SGCD: variants seen among roughly 807,000 people sequenced by gnomAD.
SGCD encodes the protein delta-sarcoglycan.
A neutral mutation model predicts 36.6 loss-of-function variants in SGCD; 18 were observed. The ratio of observed to expected loss-of-function variants is 0.49; its 90% CI spans 0.34 to 0.73. The LOEUF is 0.73. Ranked by LOEUF, SGCD falls within the 30% of genes least tolerant of loss-of-function variation. SGCD has a pLI of 0.01. For synonymous variants in SGCD, 133 were observed against 130.6 expected, an observed-to-expected ratio of 1.02 and a Z score of -0.12; for missense variants, 387 against 346.7, an observed-to-expected ratio of 1.12 and a Z score of -0.92.
chr5:155,749,935 G>A, the SGCD span, among the ~76,000 whole-genome samples: 1 of 152,168 alleles, frequency 6.6e-6, no homozygotes, highest in Non-Finnish European at 1.5e-5. Context: ...TTTAAATCAA[G>A]TTTTAAAGCA....
chr5:155,824,128 C>A, the SGCD span, among the ~76,000 whole-genome samples: 1 of 152,156 alleles, frequency 6.6e-6, no homozygotes, highest in African/African-American at 2.4e-5. Flanking sequence ...AGATAGGCAT[C>A]CCATCTTGAA....
At chr5:156,258,843 G>C (rs1483473974) in intron 3 of SGCD, among the ~76,000 whole-genome samples, 26 of 151,914 alleles carry the variant, frequency 1.7e-4, no homozygotes, top group Admixed American at 1.7e-3. Flanking sequence ...TTTCTAATAT[G>C]GCACATATGG....
chr5:156,533,335 A>G (rs1343724017), intron 4 of SGCD, among the ~76,000 whole-genome samples: 1 of 152,136 alleles, frequency 6.6e-6, no homozygotes, highest in Non-Finnish European at 1.5e-5. Flanking sequence ...TTTTGTTAGA[A>G]TTGCATTACA....
chr5:156,262,504 G>A (rs1389973997), intron 3 of SGCD, among the ~76,000 whole-genome samples: 1 of 152,050 alleles, frequency 6.6e-6, no homozygotes, highest in Non-Finnish European at 1.5e-5. Context: ...ATGATACTAA[G>A]TATTTAAAAC....
intron 3 of SGCD, among the ~76,000 whole-genome samples, chr5:156,432,723 A>G (rs1046899552): frequency 6.6e-6 from 1 of 152,148 alleles, no homozygotes; most frequent in African/African-American, 2.4e-5. Flanking sequence ...GTTGTACAGA[A>G]GAGTTCACAA....
chr5:156,363,487 A>G (rs190957143), intron 3 of SGCD, among the ~76,000 whole-genome samples: 5 of 152,276 alleles, frequency 3.3e-5, no homozygotes, highest in African/African-American at 4.8e-5. Context: ...TAAGTTACCT[A>G]GGTTTTTTTA....
At chr5:156,606,938 AT>A (rs1411657817) in intron 6 of SGCD, among the ~76,000 whole-genome samples, 2 of 152,098 alleles carry the variant, frequency 1.3e-5, no homozygotes, top group Non-Finnish European at 2.9e-5. Flanking sequence ...GCTTAAGGAG[AT>A]TTTGGGCTGA....
intron 3 of SGCD, among the ~76,000 whole-genome samples, chr5:156,185,858 G>GT (rs1561555633): frequency 7.8e-4 from 5 of 6,446 alleles, no homozygotes; most frequent in Admixed American, 2.8e-3. Flanking sequence ...TATAGAGAGA[G>GT]AGAGAGAGAG....
At chr5:156,168,987 C>T (rs984912092) in intron 3 of SGCD, among the ~76,000 whole-genome samples, 2 of 152,190 alleles carry the variant, frequency 1.3e-5, no homozygotes, top group Admixed American at 6.5e-5. Flanking sequence ...AGGGCTTCAG[C>T]CCCTGTAACT....
intron 3 of SGCD, among the ~76,000 whole-genome samples, chr5:156,346,508 C>G (rs994192977): frequency 6.6e-6 from 1 of 152,092 alleles, no homozygotes; most frequent in Non-Finnish European, 1.5e-5. Flanking sequence ...CTGTGTGGCC[C>G]AAGCTGGTCT....
chr5:156,480,846 C>T (rs1246194751), intron 3 of SGCD, among the ~76,000 whole-genome samples: 1 of 152,132 alleles, frequency 6.6e-6, no homozygotes, highest in East Asian at 1.9e-4. Context: ...CTTAAGATGT[C>T]CATTAGGCAT....
rs190501715 is a variant in SGCD, at chr5:155,980,332, T to A, written c.-282+109908T>A. 1.2e-3 allele frequency among the ~76,000 whole-genome samples: 187 copies of A among 152,022 alleles called. 1 individual carries two copies. Among genetic ancestry groups the A allele is most frequent in the South Asian group, 2.3e-3 (11 of 4,812 alleles). On this transcript the variant is annotated intron_variant, in intron 1 of 9. Transcript: ENST00000517913. ...CAGGAGCGGTGGTTCACGCCTATAA[T>A]CCCAGCACTTTGGTAGGCCTAGGCG... is the stretch of plus-strand genomic sequence containing the variant.
At chr5:156,346,335 T>C (rs1035180004) in intron 3 of SGCD, among the ~76,000 whole-genome samples, 2 of 152,186 alleles carry the variant, frequency 1.3e-5, no homozygotes, top group African/African-American at 4.8e-5. Context: ...GTCTCACTTT[T>C]TCACAGACGC....
chr5:156,604,494 G>A (rs936252037), intron 6 of SGCD, among the ~76,000 whole-genome samples: 1 of 151,682 alleles, frequency 6.6e-6, no homozygotes, highest in South Asian at 2.1e-4. Flanking sequence ...TCTTGTTTAT[G>A]TATCTGCTGT....
intron 6 of SGCD, among the ~76,000 whole-genome samples, chr5:156,617,929 G>A (rs1337758720): frequency 6.6e-6 from 1 of 152,174 alleles, no homozygotes; most frequent in Non-Finnish European, 1.5e-5. Flanking sequence ...ACAAAACTTA[G>A]TTCTGTCACA....
chr5:156,521,044 CCA>C (rs1757382548), intron 4 of SGCD, among the ~76,000 whole-genome samples: 1 of 144,214 alleles, frequency 6.9e-6, no homozygotes. Flanking sequence ...AAAAAAAAGA[CCA>C]CACATCTACA....
chr5:156,464,418 C>T (rs1754636044), intron 3 of SGCD, among the ~76,000 whole-genome samples: 1 of 151,978 alleles, frequency 6.6e-6, no homozygotes, highest in South Asian at 2.1e-4. Flanking sequence ...GACAGGGTTT[C>T]ACCATGTTGG....
intron 4 of SGCD, among the ~76,000 whole-genome samples, chr5:156,586,063 G>GTTT (rs33956506): frequency 6.0e-4 from 86 of 144,108 alleles, no homozygotes; most frequent in Non-Finnish European, 1.0e-3. Context: ...TTACTTTGGT[G>GTTT]TTTTTTTTTT....
At chr5:156,489,975 C>T (rs1310818746) in intron 3 of SGCD, among the ~76,000 whole-genome samples, 1 of 150,902 alleles carries the variant, frequency 6.6e-6, no homozygotes, top group Admixed American at 6.6e-5. Flanking sequence ...ACTACCTAGA[C>T]CAACCAAGAA....
Sources: allele counts gnomAD v4.1 joint callset (sites outside exome capture counted in the v4.1 genomes callset), GRCh38; gene constraint gnomAD v4.1.1; transcripts MANE v1.5; gene names NCBI Gene and HGNC (gene_info 2026-07-23, HGNC 2026-07-21).